TUBGCP4: variants seen among roughly 807,000 people sequenced by gnomAD.
TUBGCP4 encodes gamma-tubulin complex component 4.
Under a neutral mutation model 91.6 loss-of-function variants are expected in TUBGCP4, and 54 were observed. The ratio of observed to expected loss-of-function variants is 0.59; its 90% confidence interval spans 0.47 to 0.74. The LOEUF is 0.74. Ranked by LOEUF, TUBGCP4 falls within the 30% of genes least tolerant of loss-of-function variation. TUBGCP4 has a pLI of 0.00. For synonymous variants in TUBGCP4, 297 were observed against 302.8 expected (o/e 0.98, Z 0.20); for missense variants, 593 against 800.9 (o/e 0.74, Z 3.13).
intron 9 of TUBGCP4, among the ~76,000 whole-genome samples, chr15:43,393,595 G>T (rs892116728): frequency 2.0e-5 from 3 of 151,266 alleles, no homozygotes; most frequent in African/African-American, 7.3e-5. Flanking sequence ...ATCCCTCCCC[G>T]GTCCCCCCAC....
chr15:43,391,065 G>A lies in TUBGCP4; in HGVS notation c.1015-4042G>A, dbSNP rs151088769. ...TTCTTCTTACTCTTCTTACTGTGTC[G>A]CCCGGGCTAGAGTGCAGTGGTATAA... On this transcript the variant is annotated intron_variant, in intron 9 of 17. Coordinates refer to ENST00000564079, the MANE Select transcript of TUBGCP4 (RefSeq NM_014444.5). Among the ~76,000 whole-genome samples, 32 of 144,806 alleles carry A rather than the reference G, an allele frequency of 2.2e-4. No individual in the cohort carries two copies. The East Asian group carries it at 4.3e-3, about 19-fold the overall frequency. The allele number at this position is 144,806 out of a possible 152,430, so 95.0% of individuals were successfully genotyped here.
At position 43,407,756 on chromosome 15, in the gene TUBGCP4, A is replaced by C; in HGVS notation, c.*2542A>C. ...ATCACTATGTGCTGACCTTGTAGAA[A>C]TATTTAACAAATATACGTCCAGTGC... On this transcript the variant is annotated 3_prime_UTR_variant, in exon 18 of 18. Coordinates refer to ENST00000564079, the MANE Select transcript of TUBGCP4 (RefSeq NM_014444.5). The C allele has an allele frequency of 2.6e-6, 2 of 781,534 alleles. No individual in the cohort carries two copies. The highest frequency in any genetic ancestry group is 4.0e-6 in the Non-Finnish European group (2 of 498,414). The allele number at this position is 781,534 out of a possible 1,614,324, so 48.4% of individuals were successfully genotyped here. A position where few individuals can be genotyped will look rare whatever the true frequency, so the allele number is the denominator to read the frequency against.
intron 9 of TUBGCP4, among the ~76,000 whole-genome samples, chr15:43,387,026 A>T (rs1349623151): frequency 6.6e-6 from 1 of 152,202 alleles, no homozygotes; most frequent in Non-Finnish European, 1.5e-5. Flanking sequence ...AACTCCTAGG[A>T]ATCAACTAAT....
At chr15:43,387,912 A>G (rs1308989678) in intron 9 of TUBGCP4, among the ~76,000 whole-genome samples, 3 of 152,048 alleles carry the variant, frequency 2.0e-5, no homozygotes, top group African/African-American at 7.2e-5. Context: ...GCAGTGGAGC[A>G]GTCGCGGCTC....
chr15:43,401,520 A>T (rs1232396730), intron 14 of TUBGCP4, among the ~76,000 whole-genome samples, 196 bp from the exon 15 acceptor site: 1 of 151,398 alleles, frequency 6.6e-6, no homozygotes, highest in Non-Finnish European at 1.5e-5. Flanking sequence ...CGTTGGAGGG[A>T]GGGGGTTCAG....
intron 16 of TUBGCP4, 32 bp downstream of exon 16, chr15:43,403,831 G>C (rs781674446): frequency 6.5e-7 from 1 of 1,536,370 alleles, no homozygotes; most frequent in South Asian, 1.1e-5. Flanking sequence ...CAGCCTTGCC[G>C]AAAGGACAGA....
chr15:43,383,410 C>A lies in TUBGCP4; in HGVS notation c.629C>A (p.Ser210Tyr). 6.2e-7 allele frequency: 1 copy of A among 1,614,186 alleles called. No homozygotes were observed. Among genetic ancestry groups the A allele is most frequent in the Non-Finnish European group, 8.5e-7 (1 of 1,180,022 alleles). Residue 210 changes from serine (S) to tyrosine (Y), a missense_variant, in exon 7 of 18, where the codon TCT becomes TAT. Coordinates refer to ENST00000564079, the MANE Select transcript of TUBGCP4 (RefSeq NM_014444.5). ...HEEFFIKQGPSSGNVSAQPEE... is the reference protein window; with the variant it reads ...HEEFFIKQGPYSGNVSAQPEE... The stretch of plus-strand genomic sequence containing the variant: ...GAATTCTTTATCAAACAGGGGCCAT[C>A]TTCTGGTAATGTCAGTGCCCAGCCA...
chr15:43,406,341 TACAC>T lies in TUBGCP4; in HGVS notation c.*1132_*1135del. ...ATCTGGTTTTCATCACTACATATTCTACACACACTGGGAAGCTCTGACAACTTAT... is the reference window on the plus strand; with the variant it reads ...ATCTGGTTTTCATCACTACATATTCTACACTGGGAAGCTCTGACAACTTAT... On this transcript the variant is annotated 3_prime_UTR_variant, in exon 18 of 18. Coordinates refer to ENST00000564079, the MANE Select transcript of TUBGCP4 (RefSeq NM_014444.5). The T allele has an allele frequency of 3.3e-6, 1 of 306,372 alleles. No individual in the cohort carries two copies. Among genetic ancestry groups the T allele is most frequent in the Non-Finnish European group, 6.5e-6 (1 of 154,516 alleles). The allele number at this position is 306,372 out of a possible 1,614,324, so 19.0% of individuals were successfully genotyped here.
Position 43,407,408 on chromosome 15 carries a change from T to C in TUBGCP4, c.*2194T>C, listed in dbSNP as rs1171716958. On this transcript the variant is annotated 3_prime_UTR_variant, in exon 18 of 18. Coordinates refer to ENST00000564079, the MANE Select transcript of TUBGCP4 (RefSeq NM_014444.5). ...TTAGTGAGAAACATAATCGTGTTTA[T>C]ATTTTGGATGCTGCTTGAATCCAAT... The C allele has an allele frequency of 6.2e-7, 1 of 1,614,220 alleles. No individual in the cohort carries two copies.
Position 43,405,206 on chromosome 15 carries a change from G to A in TUBGCP4, c.1993G>A (p.Gly665Arg), listed in dbSNP as rs774090515. The A allele has an allele frequency of 1.1e-5, 17 of 1,613,876 alleles. No individual in the cohort carries two copies. Among genetic ancestry groups the A allele is most frequent in the Non-Finnish European group, 1.3e-5 (15 of 1,179,976 alleles). ...GGCTCTTTTTCTCTTTTGTAGTTTC[G>A]GGATGTGAAAATTTCTGGCTCATAA... ...TQAGGTLGSF[G>R]M is the part of the protein sequence containing the mutation. The change falls in exon 18 of 18, where the codon GGG (glycine) becomes AGG (arginine). Residue 665 changes from glycine (G) to arginine (R), a missense_variant. Physicochemically the swap from Gly to Arg is moderately radical, Grantham distance 125. Transcript: ENST00000564079.
chr15:43,409,341 T>C lies in TUBGCP4; in HGVS notation c.*4127T>C, dbSNP rs918278328. 1.2e-5 allele frequency: 7 copies of C among 580,528 alleles called. 1 individual carries two copies. Among genetic ancestry groups the C allele is most frequent in the African/African-American group, 1.1e-4 (6 of 53,674 alleles). The allele number at this position is 580,528 out of a possible 1,614,324, so 36.0% of individuals were successfully genotyped here. A position where few individuals can be genotyped will look rare whatever the true frequency, so the allele number is the denominator to read the frequency against. On this transcript the variant is annotated 3_prime_UTR_variant, in exon 18 of 18. Coordinates refer to ENST00000564079, the MANE Select transcript of TUBGCP4 (RefSeq NM_014444.5). ...ATCCTCAACGGACAACCAAAACCTA[T>C]GAACTCAGCCTTTCAGGCTAAAAAT...
In TUBGCP4 at chr15:43,408,706, A is replaced by T; in HGVS notation, c.*3492A>T. 1 of 596,782 alleles carries T rather than the reference A, an allele frequency of 1.7e-6. No homozygotes were observed. Among genetic ancestry groups the T allele is most frequent in the Non-Finnish European group, 2.9e-6 (1 of 339,328 alleles). The allele number at this position is 596,782 out of a possible 1,614,324, so 37.0% of individuals were successfully genotyped here. On this transcript the variant is annotated 3_prime_UTR_variant, in exon 18 of 18. Coordinates refer to ENST00000564079, the MANE Select transcript of TUBGCP4 (RefSeq NM_014444.5). The stretch of plus-strand genomic sequence containing the variant: ...TATATACAAATCTTCACACATTTGC[A>T]AAAGGTTCCTAGCCAATGTAACCTA...
rs1171739466 is a variant in TUBGCP4, at chr15:43,398,156, C to T, written c.1395C>T (p.Leu465=). Residue 465 remains leucine (L), a synonymous_variant, in exon 13 of 18, where the codon CTC becomes CTT. Transcript: ENST00000564079. ...SYKVQWPLHI[L]FTPAVLEKYN... is the part of the protein sequence containing the mutation. Reference sequence around the variant, plus strand: ...AAGTACAGTGGCCACTACATATTCTCTTCACCCCAGCTGTCCTGGAAAAGT... The same window carrying T: ...AAGTACAGTGGCCACTACATATTCTTTTCACCCCAGCTGTCCTGGAAAAGT... The T allele has an allele frequency of 1.2e-6, 2 of 1,613,138 alleles. No individual in the cohort carries two copies. Among genetic ancestry groups the T allele is most frequent in the East Asian group, 4.5e-5 (2 of 44,872 alleles).
chr15:43,381,423 A>G (rs1349090209), intron 6 of TUBGCP4, among the ~76,000 whole-genome samples: 1 of 152,126 alleles, frequency 6.6e-6, no homozygotes, highest in Admixed American at 6.6e-5. Context: ...CCTACAAAAA[A>G]GTTGAAAGAA....
In TUBGCP4 at chr15:43,399,976, GTC is replaced by G. The variant is rs1490719792; in HGVS notation, c.1419-66_1419-65del. 2.2e-6 allele frequency: 3 copies of G among 1,349,600 alleles called. No individual in the cohort carries two copies. The African/African-American group carries it at 4.3e-5, about 19-fold the overall frequency. The allele number at this position is 1,349,600 out of a possible 1,614,324, so 83.6% of individuals were successfully genotyped here. A position where few individuals can be genotyped will look rare whatever the true frequency, so the allele number is the denominator to read the frequency against. On this transcript the variant is annotated intron_variant, in intron 13 of 17. Transcript: ENST00000564079. ...GGAGTGGGTGGCACAAAGTCCTAGA[GTC>G]TGTCGTGTGGGGGAAGTGCAGGGGA...
rs773176867 is a variant in TUBGCP4, at chr15:43,406,910, G to C, written c.*1696G>C. On this transcript the variant is annotated 3_prime_UTR_variant, in exon 18 of 18. Transcript: ENST00000564079. ...GCTGTGATCTCAGCTCAGAGAGAGA[G>C]CATGAGGTCTTTTTTAACTGTCAGG... The C allele has an allele frequency of 1.6e-5, 4 of 248,166 alleles. No individual in the cohort carries two copies. The highest frequency in any genetic ancestry group is 2.4e-5 in the Non-Finnish European group (3 of 125,364). 15.4% of individuals were successfully genotyped at this position (248,166 alleles called of 1,614,324 possible). A position where few individuals can be genotyped will look rare whatever the true frequency, so the allele number is the denominator to read the frequency against.
intron 4 of TUBGCP4, 166 bp from the exon 5 acceptor site, chr15:43,377,681 A>G (rs2044229410): frequency 1.7e-6 from 1 of 579,246 alleles, no homozygotes; most frequent in Non-Finnish European, 3.0e-6. Context: ...TCCTATCTGC[A>G]GCGAACCTCC....
rs1566899328 is a variant in TUBGCP4, at chr15:43,395,669, CACTGCAGTA to C, written c.1157_1165del (p.Ala386_Thr388del). ...CTCAACACATGTTGAAAACACCACC[CACTGCAGTA>C]ACTGAGCATGGTAATTGTCAGTGGC... On this transcript the variant is annotated inframe_deletion, in exon 11 of 18. Transcript: ENST00000564079. 6.2e-7 allele frequency: 1 copy of C among 1,613,818 alleles called. No homozygotes were observed. Among genetic ancestry groups the C allele is most frequent in the Non-Finnish European group, 8.5e-7 (1 of 1,179,780 alleles).
At position 43,405,544 on chromosome 15, in the gene TUBGCP4, C is replaced by T. The variant is rs1370376665; in HGVS notation, c.*330C>T. 2 of 315,738 alleles carry T rather than the reference C, an allele frequency of 6.3e-6. No individual in the cohort carries two copies. Among genetic ancestry groups the T allele is most frequent in the Non-Finnish European group, 1.2e-5 (2 of 171,542 alleles). 19.6% of individuals were successfully genotyped at this position (315,738 alleles called of 1,614,324 possible). ...ACTGTTCAAGCTGTGGGAGATACAG[C>T]GGTAAACAAACAATATAGAGCAGAA... On this transcript the variant is annotated 3_prime_UTR_variant, in exon 18 of 18. Coordinates refer to ENST00000564079, the MANE Select transcript of TUBGCP4 (RefSeq NM_014444.5).
Sources: gnomAD v4.1 joint callset for allele counts (sites outside exome capture counted in the v4.1 genomes callset) on GRCh38, gnomAD v4.1.1 for gene constraint, MANE v1.5 for transcripts, NCBI Gene and HGNC (gene_info 2026-07-23, HGNC 2026-07-21) for gene names.